Variants in NEB observed in about 807,000 individuals in gnomAD.
NEB encodes nemaline myopathy type 2.
In NEB, 512 loss-of-function variants were observed where a neutral mutation model predicts 952.2. The observed-to-expected ratio is 0.54, with a 90% CI of 0.50 to 0.58. The LOEUF is 0.58. Ranked by LOEUF, NEB falls within the 20% of genes least tolerant of loss-of-function variation. NEB has a pLI of 0.00. For missense variants in NEB, 8,428 were observed against 9,231.1 expected (o/e 0.91, Z 3.56); for synonymous variants, 2,900 against 3,149.8 (o/e 0.92, Z 2.66).
intron 52 of NEB, among the ~76,000 whole-genome samples, chr2:151,653,567 ATAAC>A (rs2099055127): frequency 1.3e-5 from 2 of 152,226 alleles, no homozygotes; most frequent in African/African-American, 4.8e-5. Flanking sequence ...CTAAACTGAA[ATAAC>A]TGACAGCCTA....
In NEB at chr2:151,656,215, T is replaced by C. The variant is rs1395637207; in HGVS notation, c.6433A>G (p.Ile2145Val). 1 of 1,612,514 alleles carries C rather than the reference T, an allele frequency of 6.2e-7. No individual in the cohort carries two copies. Among genetic ancestry groups the C allele is most frequent in the African/African-American group, 1.3e-5 (1 of 74,870 alleles). Residue 2145 changes from isoleucine (I) to valine (V), a missense_variant, in exon 49 of 182, where the codon ATC (isoleucine) becomes GTC (valine). Ile to Val is a conservative substitution (Grantham distance 29). Around this residue, in one of 11 missense-constraint regions of NEB, gnomAD observed 2,851 missense variants for 2,791.5 expected, o/e 1.02. Coordinates refer to ENST00000397345, the MANE Select transcript of NEB (RefSeq NM_001164508.2). Reference sequence around the variant, plus strand: ...ATGTTCATTGCATCTGGAAGGAGGATGTACTTGTGAATCAGGTGCTTGTAG... The same window carrying C: ...ATGTTCATTGCATCTGGAAGGAGGACGTACTTGTGAATCAGGTGCTTGTAG... ...TNYKHLIHKYILLPDAMNIEL... is the reference protein window; with the variant it reads ...TNYKHLIHKYVLLPDAMNIEL...
chr2:151,652,914 A>C (rs1466030214), intron 52 of NEB, among the ~76,000 whole-genome samples: 2 of 152,218 alleles, frequency 1.3e-5, no homozygotes, highest in Non-Finnish European at 2.9e-5. Context: ...ATGAGTTTAC[A>C]CATCATTATT....
At chr2:151,576,400 G>A (rs1170227788) in intron 105 of NEB, 46 bp from the exon 106 acceptor site, 1 of 1,407,184 alleles carries the variant, frequency 7.1e-7, no homozygotes, top group Non-Finnish European at 9.6e-7. Flanking sequence ...GTTTTGTTGT[G>A]TATGTGTGTG....
At chr2:151,731,393 C>A (rs2099808221) in intron 3 of NEB, among the ~76,000 whole-genome samples, 1 of 152,108 alleles carries the variant, frequency 6.6e-6, no homozygotes, top group Non-Finnish European at 1.5e-5. Context: ...TTTCAGATGT[C>A]CAAGATCCCA....
intron 31 of NEB, 27 bp downstream of exon 31, chr2:151,679,891 C>T (rs1423975018): frequency 1.9e-6 from 3 of 1,604,312 alleles, no homozygotes; most frequent in Non-Finnish European, 1.7e-6. Context: ...TGGACATACG[C>T]ATCAGCCCGT....
At chr2:151,523,005 G>A (rs1163572848) in intron 153 of NEB, among the ~76,000 whole-genome samples, 1 of 152,146 alleles carries the variant, frequency 6.6e-6, no homozygotes, top group Non-Finnish European at 1.5e-5. Flanking sequence ...GATTCACTTA[G>A]TACTAGAAAT....
intron 9 of NEB, among the ~76,000 whole-genome samples, chr2:151,722,657 C>A (rs934063339): frequency 6.6e-6 from 1 of 152,138 alleles, no homozygotes; most frequent in African/African-American, 2.4e-5. Flanking sequence ...GATCCTCCTA[C>A]CTCAGCCTCC....
chr2:151,687,802 T>C, intron 25 of NEB, 69 bp from the exon 26 acceptor site: 6 of 1,412,650 alleles, frequency 4.2e-6, no homozygotes, highest in East Asian at 2.5e-5. Context: ...AATAAAAACA[T>C]ATTGAAAATT....
rs374413679 is a variant in NEB at position 151,492,128 on chromosome 2, G to A, written c.25027C>T (p.Arg8343Trp). The stretch of plus-strand genomic sequence containing the variant: ...ATAGTCTCCTGATCTTGGTCATTCC[G>A]TTTTTGTTCCATTTCTACCACTTTC... ...QRKVVEMEQK[R>W]NDQDQETITG... The change falls in exon 178 of 182, where the codon CGG becomes TGG. Residue 8343 changes from arginine to tryptophan, a missense_variant. Arg to Trp is a moderately radical substitution (Grantham distance 101). Around this residue, in one of 11 missense-constraint regions of NEB, gnomAD observed 3,374 missense variants for 3,651.5 expected, o/e 0.92. Coordinates refer to ENST00000397345, the MANE Select transcript of NEB (RefSeq NM_001164508.2). 197 of 1,613,790 alleles carry A rather than the reference G, an allele frequency of 1.2e-4. No individual in the cohort carries two copies. The highest frequency in any genetic ancestry group is 1.7e-4 in the Middle Eastern group (1 of 6,060).
At position 151,671,167 on chromosome 2, in the gene NEB, G is replaced by A. The variant is rs2154190643; in HGVS notation, c.4362C>T (p.Ser1454=). ...LKGIGWIPIG[S]LEVEKVKKAG... is the part of the protein sequence containing the mutation. ...CTTTCTTGACCTTCTCCACCTCCAGGGAACCAATAGGGATCCATCCGATGC... is the reference window on the plus strand; with the variant it reads ...CTTTCTTGACCTTCTCCACCTCCAGAGAACCAATAGGGATCCATCCGATGC... Residue 1454 remains serine (S), a synonymous_variant, in exon 38 of 182, where the codon TCC becomes TCT. Transcript: ENST00000397345. 1.9e-6 allele frequency: 3 copies of A among 1,613,820 alleles called. No homozygotes were observed. Among genetic ancestry groups the A allele is most frequent in the Non-Finnish European group, 2.5e-6 (3 of 1,179,828 alleles).
intron 4 of NEB, among the ~76,000 whole-genome samples, chr2:151,728,697 A>T (rs555385718): frequency 1.3e-5 from 2 of 152,348 alleles, no homozygotes; most frequent in South Asian, 4.1e-4. Flanking sequence ...AATGCATGTA[A>T]GAAAAAAAGA....
rs1302265787 is a variant in NEB, at chr2:151,706,980, G to A, written c.1053C>T (p.Asp351=). The A allele has an allele frequency of 6.3e-7, 1 of 1,581,480 alleles. No homozygotes were observed. Among genetic ancestry groups the A allele is most frequent in the Non-Finnish European group, 8.6e-7 (1 of 1,161,196 alleles). The part of the protein sequence containing the change: ...VAASKVKYKE[D]YEKNKGKADY... ...CTGCTTTTCCTTTATTCTTTTCATA[G>A]TCTTCTTTGTATTTTACCTGTAGGA... The change falls in exon 13 of 182, where the codon GAC becomes GAT. Residue 351 remains aspartate (D), a synonymous_variant. Transcript: ENST00000397345.
At chr2:151,487,766 C>T (rs1257134081) in intron 181 of NEB, among the ~76,000 whole-genome samples, 1 of 151,474 alleles carries the variant, frequency 6.6e-6, no homozygotes, top group Non-Finnish European at 1.5e-5. Flanking sequence ...TACATACACA[C>T]ATATATATAT....
chr2:151,734,222 C>A (rs75643374), intron 1 of NEB, among the ~76,000 whole-genome samples, 176 bp downstream of exon 1: 1 of 152,260 alleles, frequency 6.6e-6, no homozygotes, highest in Middle Eastern at 3.4e-3. Flanking sequence ...TAATCACACA[C>A]GGTACATAGC....
In NEB at chr2:151,526,280, G is replaced by T. The variant is rs971467177; in HGVS notation, c.21946-18C>A. On this transcript the variant is annotated intron_variant, in intron 148 of 181. Coordinates refer to ENST00000397345, the MANE Select transcript of NEB (RefSeq NM_001164508.2). ...TATTTCAGCTTCAGGGGCAGGAAAA[G>T]GGGCATTTCTTTAGCTCTGCTGGAT... is the stretch of plus-strand genomic sequence containing the variant. The T allele has an allele frequency of 6.5e-7, 1 of 1,546,026 alleles. No homozygotes were observed. The highest frequency in any genetic ancestry group is 1.1e-5 in the South Asian group (1 of 87,968).
At position 151,496,337 on chromosome 2, in the gene NEB, G is replaced by A; in HGVS notation, c.24425C>T (p.Thr8142Ile). The change falls in exon 173 of 182, where the codon ACT becomes ATT. Residue 8142 changes from threonine (T) to isoleucine (I), a missense_variant. Transcript: ENST00000397345. ...VLYKENMGKG[T>I]PLAVTPEMER... is the part of the protein sequence containing the mutation. ...CATCTCGGGAGTGACAGCTAAAGGAGTTCCCTTGCCCATGTTTTCTTTGTA... is the reference window on the plus strand; with the variant it reads ...CATCTCGGGAGTGACAGCTAAAGGAATTCCCTTGCCCATGTTTTCTTTGTA... 5 of 1,611,382 alleles carry A rather than the reference G, an allele frequency of 3.1e-6. No individual in the cohort carries two copies. The highest frequency in any genetic ancestry group is 4.2e-6 in the Non-Finnish European group (5 of 1,178,580).
intron 13 of NEB, among the ~76,000 whole-genome samples, chr2:151,698,337 A>G (rs935559122): frequency 6.6e-6 from 1 of 152,150 alleles, no homozygotes; most frequent in Non-Finnish European, 1.5e-5. Context: ...ACCACAATCA[A>G]TTTTAAAACA....
chr2:151,669,147 A>C lies in NEB; in HGVS notation c.4507-16T>G. On this transcript the variant is annotated splice_polypyrimidine_tract_variant and intron_variant, in intron 38 of 181. Transcript: ENST00000397345. ...TGTAGTTCAACTAAAAACAAAGGAGACAGCATGCACATATCATTAGCTGAC... is the reference window on the plus strand; with the variant it reads ...TGTAGTTCAACTAAAAACAAAGGAGCCAGCATGCACATATCATTAGCTGAC... 1 of 1,457,990 alleles carries C rather than the reference A, an allele frequency of 6.9e-7. No individual in the cohort carries two copies. Among genetic ancestry groups the C allele is most frequent in the East Asian group, 2.4e-5 (1 of 41,994 alleles). 90.3% of individuals were successfully genotyped at this position (1,457,990 alleles called of 1,614,324 possible).
At chr2:151,498,404 T>C in intron 169 of NEB, 52 bp from the exon 170 acceptor site, 1 of 1,350,170 alleles carries the variant, frequency 7.4e-7, no homozygotes. Context: ...TCAGTCATTT[T>C]CCCCCTGCTT....
Sources: allele counts gnomAD v4.1 joint callset (sites outside exome capture counted in the v4.1 genomes callset), GRCh38; gene constraint gnomAD v4.1.1; regional missense constraint gnomAD v4.1.1; transcripts MANE v1.5; gene names NCBI Gene and HGNC (gene_info 2026-07-23, HGNC 2026-07-21).